CCDC68: variants seen among roughly 807,000 people sequenced by gnomAD.
CCDC68 encodes coiled-coil domain-containing protein 68.
In CCDC68, 45 loss-of-function variants were observed where a neutral mutation model predicts 47.1. That is an observed-to-expected ratio of 0.96 (90% CI 0.75 to 1.23). CCDC68 has a LOEUF of 1.23. Ranked by LOEUF, CCDC68 falls within the 50% of genes most tolerant of loss-of-function variation. CCDC68 has a pLI of 0.00. For missense variants in CCDC68, 353 were observed against 373.6 expected, an observed-to-expected ratio of 0.94 and a Z score of 0.45; for synonymous variants, 131 against 129.5, an observed-to-expected ratio of 1.01 and a Z score of -0.08.
intron 5 of CCDC68, chr18:54,937,700 T>C (rs1450447258): frequency 9.7e-6 from 3 of 309,568 alleles, no homozygotes; most frequent in East Asian, 1.4e-4. Flanking sequence ...CTAGAACTTA[T>C]TCATCTTGCA....
intron 8 of CCDC68, among the ~76,000 whole-genome samples, chr18:54,921,420 A>C (rs1008379075): frequency 1.1e-4 from 16 of 152,238 alleles, no homozygotes; most frequent in African/African-American, 3.6e-4. Context: ...AAACAAAAGA[A>C]GTTTACAATT....
rs541934468 is a variant in CCDC68 at position 54,923,440 on chromosome 18, T to TAAAAAAAA, written c.684-4072_684-4065dup. Among the ~76,000 whole-genome samples, 742 of 130,216 alleles carry TAAAAAAAA rather than the reference T, an allele frequency of 5.7e-3. 7 individuals carry two copies. Among genetic ancestry groups the TAAAAAAAA allele is most frequent in the African/African-American group, 0.02 (705 of 35,060 alleles). The allele number at this position is 130,216 out of a possible 152,430, so 85.4% of individuals were successfully genotyped here. On this transcript the variant is annotated intron_variant, in intron 8 of 11. Transcript: ENST00000591504. Reference sequence around the variant, plus strand: ...GTATTACCATAGCGTTCACTGTAAGTAAAAAAAAAAAAAAAATTGAAATTG... The same window carrying TAAAAAAAA: ...GTATTACCATAGCGTTCACTGTAAGTAAAAAAAAAAAAAAAAAAAAAAAATTGAAATTG...
intron 1 of CCDC68, among the ~76,000 whole-genome samples, chr18:54,951,840 T>G (rs1163752113): frequency 6.6e-6 from 1 of 152,200 alleles, no homozygotes; most frequent in Non-Finnish European, 1.5e-5. Flanking sequence ...TTGTTCTGCC[T>G]ACAAGACTCT....
intron 10 of CCDC68, among the ~76,000 whole-genome samples, chr18:54,915,716 G>C (rs2043936071): frequency 6.6e-6 from 1 of 152,254 alleles, no homozygotes; most frequent in South Asian, 2.1e-4. Flanking sequence ...ATCGCTTGAG[G>C]TCAGGAGTTT....
At chr18:54,921,951 G>A (rs994101444) in intron 8 of CCDC68, among the ~76,000 whole-genome samples, 3 of 152,094 alleles carry the variant, frequency 2.0e-5, no homozygotes, top group Non-Finnish European at 2.9e-5. Context: ...TAGGGAATCC[G>A]AACCAAGTAA....
Position 54,901,557 on chromosome 18 carries a change from C to T in CCDC68, c.*2801G>A, listed in dbSNP as rs546100779. The stretch of plus-strand genomic sequence containing the variant: ...TAAAAAGAAAACCAAACAATTCACA[C>T]AATGTAGCATCAATTTTCTTTATGG... On this transcript the variant is annotated 3_prime_UTR_variant, in exon 12 of 12. Coordinates refer to ENST00000591504, the MANE Select transcript of CCDC68 (RefSeq NM_025214.3). The T allele has an allele frequency of 6.6e-6, 1 of 152,130 alleles. No individual in the cohort carries two copies. The highest frequency in any genetic ancestry group is 1.5e-5 in the Non-Finnish European group (1 of 68,024). 9.4% of individuals were successfully genotyped at this position (152,130 alleles called of 1,614,324 possible).
At chr18:54,924,318 AG>A (rs2044111064) in intron 8 of CCDC68, among the ~76,000 whole-genome samples, 1 of 152,166 alleles carries the variant, frequency 6.6e-6, no homozygotes, top group Non-Finnish European at 1.5e-5. Context: ...GACTCTGAAC[AG>A]CGGAGAGAAG....
At chr18:54,926,100 T>C (rs1265949829) in intron 8 of CCDC68, among the ~76,000 whole-genome samples, 2 of 152,196 alleles carry the variant, frequency 1.3e-5, no homozygotes, top group Admixed American at 1.3e-4. Flanking sequence ...TCTTTCCTCC[T>C]CTAAGGAGTT....
intron 5 of CCDC68, 55 bp from the exon 6 acceptor site, chr18:54,937,013 G>T: frequency 6.3e-7 from 1 of 1,594,676 alleles, no homozygotes; most frequent in Non-Finnish European, 8.6e-7. Flanking sequence ...AGTGTTAAAG[G>T]CAGAACAGTT....
chr18:54,951,440 T>C (rs1326864159), intron 1 of CCDC68, among the ~76,000 whole-genome samples: 1 of 152,184 alleles, frequency 6.6e-6, no homozygotes, highest in African/African-American at 2.4e-5. Flanking sequence ...TTCTCACATA[T>C]GCCCTGAGAG....
intron 11 of CCDC68, 43 bp downstream of exon 11, chr18:54,907,743 A>G (rs745543570): frequency 9.2e-7 from 1 of 1,083,226 alleles, no homozygotes; most frequent in Non-Finnish European, 1.4e-6. Context: ...AACATGTTCA[A>G]CATAGGTTGT....
chr18:54,943,855 T>C (rs986914576), intron 2 of CCDC68, among the ~76,000 whole-genome samples: 3 of 152,028 alleles, frequency 2.0e-5, no homozygotes, highest in Non-Finnish European at 4.4e-5. Context: ...ACAACAAAAA[T>C]GTTAGGTGAA....
chr18:54,953,054 T>C (rs375577581), intron 1 of CCDC68, among the ~76,000 whole-genome samples: 160 of 151,664 alleles, frequency 1.1e-3, no homozygotes, highest in African/African-American at 3.8e-3. Context: ...CCCAACAACA[T>C]AGATAAGTGT....
intron 2 of CCDC68, chr18:54,943,035 A>G: frequency 3.2e-6 from 1 of 317,380 alleles, no homozygotes; most frequent in Non-Finnish European, 5.7e-6. Flanking sequence ...TAAAAAGGTA[A>G]AATCTGAAAT....
At chr18:54,943,907 G>T (rs2044477666) in intron 2 of CCDC68, among the ~76,000 whole-genome samples, 1 of 152,156 alleles carries the variant, frequency 6.6e-6, no homozygotes, top group African/African-American at 2.4e-5. Flanking sequence ...TGTAATCCCA[G>T]CATTTTGGGA....
At chr18:54,907,608 G>C (rs1293793279) in intron 11 of CCDC68, among the ~76,000 whole-genome samples, 178 bp downstream of exon 11, 1 of 152,088 alleles carries the variant, frequency 6.6e-6, no homozygotes, top group Non-Finnish European at 1.5e-5. Context: ...TCTGTGTTAG[G>C]CTTTGAGGAT....
chr18:54,929,946 G>A (rs894992420), intron 7 of CCDC68, among the ~76,000 whole-genome samples: 1 of 152,098 alleles, frequency 6.6e-6, no homozygotes, highest in Non-Finnish European at 1.5e-5. Context: ...TTAATCATCT[G>A]ACCCAAGATT....
intron 2 of CCDC68, among the ~76,000 whole-genome samples, chr18:54,943,570 C>T (rs900759809): frequency 6.6e-6 from 1 of 151,972 alleles, no homozygotes; most frequent in African/African-American, 2.4e-5. Flanking sequence ...AGTTCTATAA[C>T]CATAAGAATT....
intron 8 of CCDC68, among the ~76,000 whole-genome samples, chr18:54,922,736 C>T (rs145999080): frequency 4.3e-4 from 66 of 151,994 alleles, no homozygotes; most frequent in African/African-American, 1.3e-3. Flanking sequence ...ACCTGTAATC[C>T]CAGCACTATG....
Sources: gnomAD v4.1 joint callset for allele counts (sites outside exome capture counted in the v4.1 genomes callset) on GRCh38, gnomAD v4.1.1 for gene constraint, MANE v1.5 for transcripts, NCBI Gene and HGNC (gene_info 2026-07-23, HGNC 2026-07-21) for gene names.